The following GLI2 variants were observed in gnomAD, a reference collection of about 807,000 sequenced individuals.
GLI2 encodes the protein transcription activator GLI2.
GLI2 carries 22 observed loss-of-function variants against 78.9 expected under a neutral mutation model. The observed-to-expected ratio is 0.28, with a 90% CI of 0.20 to 0.40. The LOEUF (loss-of-function observed/expected upper bound fraction) is 0.40, where lower values mean the gene tolerates loss of function less well. Ranked by LOEUF, GLI2 falls within the 10% of genes least tolerant of loss-of-function variation. GLI2 has a pLI of 1.00. For missense variants in GLI2, 2,097 were observed against 2,213.2 expected (o/e 0.95, Z 1.05); for synonymous variants, 974 against 963.7 (o/e 1.01, Z -0.20).
At chr2:120,982,609 G>A (rs558198227) in intron 10 of GLI2, 107 bp from the exon 11 acceptor site, 22 of 848,558 alleles carry the variant, frequency 2.6e-5, no homozygotes, top group East Asian at 1.7e-4. Context: ...TTCTGAGTGC[G>A]CTGACGGGTT....
chr2:120,919,146 G>T (rs1679246063), intron 2 of GLI2, among the ~76,000 whole-genome samples: 2 of 152,236 alleles, frequency 1.3e-5, no homozygotes, highest in Admixed American at 6.5e-5. Context: ...ACACTTTGGT[G>T]TGAATCCATT....
chr2:120,802,053 A>G (rs1242349197), intron 2 of GLI2, among the ~76,000 whole-genome samples: 1 of 152,102 alleles, frequency 6.6e-6, no homozygotes, highest in Non-Finnish European at 1.5e-5. Flanking sequence ...TCCCTCATCC[A>G]TCCCAGGCCC....
At chr2:120,813,504 G>A (rs967095820) in intron 2 of GLI2, among the ~76,000 whole-genome samples, 11 of 152,196 alleles carry the variant, frequency 7.2e-5, no homozygotes, top group Admixed American at 2.6e-4. Context: ...AGCTCCAGGT[G>A]TCGATTGAAA....
intron 7 of GLI2, 73 bp downstream of exon 7, chr2:120,970,679 C>A: frequency 7.8e-7 from 1 of 1,274,436 alleles, no homozygotes; most frequent in Non-Finnish European, 1.1e-6. Flanking sequence ...ACTGCCAGCT[C>A]ATGCTAAGAA....
chr2:120,849,452 GATGATGATC>G (rs1687298403), intron 2 of GLI2, among the ~76,000 whole-genome samples: 1 of 151,856 alleles, frequency 6.6e-6, no homozygotes, highest in African/African-American at 2.4e-5. Flanking sequence ...TGATGATGAT[GATGATGATC>G]ATGATGATGA....
intron 2 of GLI2, among the ~76,000 whole-genome samples, chr2:120,872,701 T>C (rs1356231384): frequency 6.6e-6 from 1 of 152,238 alleles, no homozygotes; most frequent in Non-Finnish European, 1.5e-5. Context: ...GCGGACAAGA[T>C]GCTCAACTTT....
rs138766706 is a variant in GLI2 at position 120,797,194 on chromosome 2, G to T, written c.-30-97G>T. The T allele has an allele frequency of 2.3e-3, 1,846 of 817,714 alleles. 19 individuals are homozygous for T. The African/African-American group carries it at 0.026, about 12-fold the overall frequency. 50.7% of individuals were successfully genotyped at this position (817,714 alleles called of 1,614,324 possible). On this transcript the variant is annotated intron_variant, in intron 1 of 13. Transcript: ENST00000361492. Reference sequence around the variant, plus strand: ...ATTATAAGAGAATTAGAATGAAGTTGGTTGCTTTAGGAGCGAGCGGCGGTG... The same window carrying T: ...ATTATAAGAGAATTAGAATGAAGTTTGTTGCTTTAGGAGCGAGCGGCGGTG...
At chr2:120,801,161 CAG>C (rs1182718717) in intron 2 of GLI2, among the ~76,000 whole-genome samples, 1 of 151,986 alleles carries the variant, frequency 6.6e-6, no homozygotes, top group Admixed American at 6.5e-5. Flanking sequence ...TTTTTTGAGA[CAG>C]AGTCTCACTC....
intron 5 of GLI2, among the ~76,000 whole-genome samples, chr2:120,963,990 A>C (rs1026084398): frequency 3.3e-5 from 5 of 152,126 alleles, no homozygotes; most frequent in Non-Finnish European, 7.4e-5. Flanking sequence ...GGCACCTCCC[A>C]CTGGGCTCAT....
chr2:120,969,297 G>T (rs1425788607), intron 6 of GLI2, among the ~76,000 whole-genome samples: 1 of 152,222 alleles, frequency 6.6e-6, no homozygotes, highest in Non-Finnish European at 1.5e-5. Context: ...CTCTGGGCTG[G>T]CAGCAGGCCT....
chr2:120,812,387 C>T (rs112208674), intron 2 of GLI2, among the ~76,000 whole-genome samples: 2,129 of 152,278 alleles, frequency 0.014, 40 homozygotes, highest in African/African-American at 0.048. Flanking sequence ...GGAGCTGTGG[C>T]GGTTCCCGTG....
intron 8 of GLI2, among the ~76,000 whole-genome samples, chr2:120,973,474 A>G (rs1243088328): frequency 1.3e-5 from 2 of 152,238 alleles, no homozygotes; most frequent in African/African-American, 2.4e-5. Flanking sequence ...AAAGCTGTTT[A>G]TCATGAGGAG....
At chr2:120,986,755 A>G in intron 13 of GLI2, 141 bp downstream of exon 13, 1 of 674,814 alleles carries the variant, frequency 1.5e-6, no homozygotes, top group South Asian at 1.9e-5. Flanking sequence ...AAGGAAACTG[A>G]GGCTCAGAGA....
At chr2:120,937,128 C>T (rs1402274349) in intron 3 of GLI2, among the ~76,000 whole-genome samples, 4 of 152,214 alleles carry the variant, frequency 2.6e-5, no homozygotes, top group Non-Finnish European at 5.9e-5. Flanking sequence ...AGTTGCTTAA[C>T]TCAGTGGGGA....
At chr2:120,738,894 G>A (rs1682445833) in intron 1 of GLI2, among the ~76,000 whole-genome samples, 1 of 152,216 alleles carries the variant, frequency 6.6e-6, no homozygotes, top group Admixed American at 6.5e-5. Flanking sequence ...TGAAGCTTGT[G>A]TGGAGTTAGC....
At chr2:120,784,448 C>T (rs1206222574) in intron 1 of GLI2, among the ~76,000 whole-genome samples, 1 of 151,528 alleles carries the variant, frequency 6.6e-6, no homozygotes, top group Non-Finnish European at 1.5e-5. Flanking sequence ...GGGTTGCAGG[C>T]TTCTAGAAAT....
At chr2:120,831,350 C>T (rs1306172353) in intron 2 of GLI2, among the ~76,000 whole-genome samples, 2 of 152,200 alleles carry the variant, frequency 1.3e-5, no homozygotes, top group Non-Finnish European at 2.9e-5. Context: ...CCTCACAGTG[C>T]AGGGTGCTCT....
chr2:120,943,564 T>G (rs1025929556), intron 3 of GLI2, among the ~76,000 whole-genome samples: 1 of 152,204 alleles, frequency 6.6e-6, no homozygotes, highest in Non-Finnish European at 1.5e-5. Context: ...TCTGGGGGCA[T>G]CCGGGTGCCT....
intron 2 of GLI2, among the ~76,000 whole-genome samples, chr2:120,862,152 G>A (rs1687931134): frequency 6.6e-6 from 1 of 152,204 alleles, no homozygotes; most frequent in Non-Finnish European, 1.5e-5. Flanking sequence ...AATGGTGAAG[G>A]GGAGGCAGCC....
Sources: allele counts gnomAD v4.1 joint callset (sites outside exome capture counted in the v4.1 genomes callset), GRCh38; gene constraint gnomAD v4.1.1; transcripts MANE v1.5; gene names NCBI Gene and HGNC (gene_info 2026-07-23, HGNC 2026-07-21).